Variants in PCOLCE observed in about 807,000 individuals in gnomAD.
PCOLCE encodes the protein procollagen C-endopeptidase enhancer 1.
PCOLCE carries 33 observed loss-of-function variants against 47.2 expected under a neutral mutation model. That is an observed-to-expected ratio of 0.70 (90% confidence interval 0.53 to 0.93). The LOEUF (loss-of-function observed/expected upper bound fraction) is 0.93. PCOLCE is among the 40% of genes least tolerant of loss of function. PCOLCE has a pLI of 0.00. For synonymous variants in PCOLCE, 254 were observed against 252.5 expected, an observed-to-expected ratio of 1.01 and a Z score of -0.06; for missense variants, 584 against 585.3, an observed-to-expected ratio of 1.00 and a Z score of 0.02.
chr7:100,602,538 C>T lies in PCOLCE; in HGVS notation c.82C>T (p.Pro28Ser), dbSNP rs780672283. The T allele has an allele frequency of 2.5e-6, 4 of 1,604,170 alleles. No individual in the cohort carries two copies. In the South Asian group the frequency reaches 3.3e-5, roughly 13 times the overall value. The change falls in exon 1 of 9, where the codon CCC becomes TCC. Residue 28 changes from proline to serine, a missense_variant. Coordinates refer to ENST00000223061, the MANE Select transcript of PCOLCE (RefSeq NM_002593.4). ...ALLPFAQGQT[P>S]NYTRPVFLCG... ...GCTGCCTTTTGCCCAGGGCCAGACC[C>T]CCAACTACACCAGGTAGGTCTCTTG...
intron 2 of PCOLCE, 133 bp from the exon 3 acceptor site, chr7:100,603,826 C>A: frequency 9.9e-7 from 1 of 1,012,856 alleles, no homozygotes; most frequent in Non-Finnish European, 1.5e-6. Flanking sequence ...AGGCCCTCTG[C>A]TCTGCACTCA....
At position 100,608,054 on chromosome 7, in the gene PCOLCE, A is replaced by G. The variant is rs774044086; in HGVS notation, c.1301A>G (p.Lys434Arg). The G allele has an allele frequency of 6.2e-7, 1 of 1,613,972 alleles. No individual in the cohort carries two copies. The highest frequency in any genetic ancestry group is 8.5e-7 in the Non-Finnish European group (1 of 1,180,014). Reference sequence around the variant, plus strand: ...GACCAGATCCTCACCAACCTAAGCAAGAGGAAGTGCCCCTCTCAACCTGTG... The same window carrying G: ...GACCAGATCCTCACCAACCTAAGCAGGAGGAAGTGCCCCTCTCAACCTGTG... ...NQDQILTNLS[K>R]RKCPSQPVRA... Residue 434 changes from lysine (K) to arginine (R), a missense_variant, in exon 9 of 9, where the codon AAG becomes AGG. Physicochemically the swap from Lys to Arg is conservative, Grantham distance 26. Coordinates refer to ENST00000223061, the MANE Select transcript of PCOLCE (RefSeq NM_002593.4).
chr7:100,603,371 C>A (rs554782186), intron 1 of PCOLCE, 59 bp from the exon 2 acceptor site: 2 of 837,440 alleles, frequency 2.4e-6, no homozygotes, highest in African/African-American at 1.7e-5. Flanking sequence ...CCCCATCTTG[C>A]CAGTGCTCCC....
In PCOLCE at chr7:100,603,945, G is replaced by A. The variant is rs201847954; in HGVS notation, c.205-14G>A. 6 of 1,598,942 alleles carry A rather than the reference G, an allele frequency of 3.8e-6. No homozygotes were observed. In the East Asian group the frequency reaches 6.7e-5, roughly 18 times the overall value. On this transcript the variant is annotated splice_polypyrimidine_tract_variant and intron_variant, in intron 2 of 8. Transcript: ENST00000223061. ...CCTGACTCTGTGGGTCCCCGCCTCT[G>A]TCCCCGCTATCAGGTCCCCGAGGGC... is the stretch of plus-strand genomic sequence containing the variant.
In PCOLCE at chr7:100,605,870, C is replaced by T. The variant is rs1015176268; in HGVS notation, c.725+58C>T. On this transcript the variant is annotated intron_variant, in intron 5 of 8. Transcript: ENST00000223061. This position sits in a 1 kb window ranked among gnomAD's most constrained non-coding sequence, Gnocchi z 6.1. ...GAGTCGGCGGACCGCACGCACGCGG[C>T]TGTTTGGAGGGGCGGGGTTCAGCTA... 1.3e-6 allele frequency: 2 copies of T among 1,522,384 alleles called. No homozygotes were observed. The highest frequency in any genetic ancestry group is 8.9e-7 in the Non-Finnish European group (1 of 1,126,024). The allele number at this position is 1,522,384 out of a possible 1,614,324, so 94.3% of individuals were successfully genotyped here.
rs1252059290 is a variant in PCOLCE at position 100,605,815 on chromosome 7, G to A, written c.725+3G>A. 3 of 1,551,578 alleles carry A rather than the reference G, an allele frequency of 1.9e-6. No homozygotes were observed. The highest frequency in any genetic ancestry group is 2.4e-5 in the East Asian group (1 of 41,044). Reference sequence around the variant, plus strand: ...TTCTGCGGCGACGCAGTCCCGGGGTGAGGGGCGGGACCTGGGCGAGTCCGG... The same window carrying A: ...TTCTGCGGCGACGCAGTCCCGGGGTAAGGGGCGGGACCTGGGCGAGTCCGG... On this transcript the variant is annotated splice_donor_region_variant and intron_variant, in intron 5 of 8. Transcript: ENST00000223061. This position sits in a 1 kb window ranked among gnomAD's most constrained non-coding sequence, Gnocchi z 6.1.
chr7:100,603,958 G>T lies in PCOLCE; in HGVS notation c.205-1G>T. On this transcript the variant is annotated splice_acceptor_variant, in intron 2 of 8. Transcript: ENST00000223061. LOFTEE classifies it high-confidence loss of function. ...GTCCCCGCCTCTGTCCCCGCTATCA[G>T]GTCCCCGAGGGCCAGACTGTGTCCC... 1 of 1,600,402 alleles carries T rather than the reference G, an allele frequency of 6.2e-7. No homozygotes were observed.
At chr7:100,603,869 G>A (rs1224135188) in intron 2 of PCOLCE, 90 bp from the exon 3 acceptor site, 48 of 1,473,464 alleles carry the variant, frequency 3.3e-5, no homozygotes, top group Non-Finnish European at 4.4e-5. Context: ...GTCCGTTTCT[G>A]CAAGAAACGC....
chr7:100,603,296 C>G (rs1802645314), intron 1 of PCOLCE, 134 bp from the exon 2 acceptor site: 1 of 549,812 alleles, frequency 1.8e-6, no homozygotes, highest in Non-Finnish European at 3.3e-6. Context: ...TGCCCCAGGT[C>G]TCTCAAGGCC....
In PCOLCE at chr7:100,602,386, C is replaced by G. The variant is rs886146063; in HGVS notation, c.-71C>G. Reference sequence around the variant, plus strand: ...CTGATTATCCTGCTGCTGCCGCCACCGCTGCTGCTGCTCTGCAAAATTCAG... The same window carrying G: ...CTGATTATCCTGCTGCTGCCGCCACGGCTGCTGCTGCTCTGCAAAATTCAG... On this transcript the variant is annotated 5_prime_UTR_variant, in exon 1 of 9. Transcript: ENST00000223061. 1.3e-4 allele frequency: 136 copies of G among 1,014,522 alleles called. No homozygotes were observed. Among genetic ancestry groups the G allele is most frequent in the Non-Finnish European group, 1.9e-4 (124 of 641,916 alleles). 62.8% of individuals were successfully genotyped at this position (1,014,522 alleles called of 1,614,324 possible).
chr7:100,602,532 C>G lies in PCOLCE; in HGVS notation c.76C>G (p.Gln26Glu). ...ACALLPFAQG[Q>E]TPNYTRPVFL... ...CGCCCTGCTGCCTTTTGCCCAGGGC[C>G]AGACCCCCAACTACACCAGGTAGGT... The change falls in exon 1 of 9, where the codon CAG becomes GAG. Residue 26 changes from glutamine to glutamate, a missense_variant. Gln to Glu is a conservative substitution (Grantham distance 29, BLOSUM62 2). Coordinates refer to ENST00000223061, the MANE Select transcript of PCOLCE (RefSeq NM_002593.4). 6.2e-7 allele frequency: 1 copy of G among 1,609,496 alleles called. No homozygotes were observed. Among genetic ancestry groups the G allele is most frequent in the Admixed American group, 1.7e-5 (1 of 60,006 alleles).
chr7:100,607,774 G>A lies in PCOLCE; in HGVS notation c.1150G>A (p.Val384Met), dbSNP rs772035987. 4.3e-6 allele frequency: 7 copies of A among 1,614,142 alleles called. No individual in the cohort carries two copies. Among genetic ancestry groups the A allele is most frequent in the East Asian group, 2.2e-5 (1 of 44,884 alleles). ...PPTGASLKFY[V>M]PCKQCPPMKK... ...CACTGGTGCCTCCCTGAAGTTTTAC[G>A]TGCCTTGCAAGCAGTGCCCCCCCAT... The change falls in exon 8 of 9, where the codon GTG becomes ATG. Residue 384 changes from valine to methionine, a missense_variant. Val to Met is a conservative substitution (Grantham distance 21). Coordinates refer to ENST00000223061, the MANE Select transcript of PCOLCE (RefSeq NM_002593.4).
Position 100,608,043 on chromosome 7 carries a change from C to A in PCOLCE, c.1290C>A (p.Thr430=). The change falls in exon 9 of 9, where the codon ACC becomes ACA. Residue 430 remains threonine, a synonymous_variant. Coordinates refer to ENST00000223061, the MANE Select transcript of PCOLCE (RefSeq NM_002593.4). ...LHRPNQDQIL[T]NLSKRKCPSQ... is the part of the protein sequence containing the mutation. Reference sequence around the variant, plus strand: ...GGCCCAACCAGGACCAGATCCTCACCAACCTAAGCAAGAGGAAGTGCCCCT... The same window carrying A: ...GGCCCAACCAGGACCAGATCCTCACAAACCTAAGCAAGAGGAAGTGCCCCT... 6.2e-7 allele frequency: 1 copy of A among 1,614,092 alleles called. No individual in the cohort carries two copies.
At position 100,605,360 on chromosome 7, in the gene PCOLCE, T is replaced by C; in HGVS notation, c.588+145T>C. The stretch of plus-strand genomic sequence containing the variant: ...ACCCAAAACAGCCCCAACCCCTGCA[T>C]GCACGCAAACAAAAATGTAAAAATT... On this transcript the variant is annotated intron_variant, in intron 4 of 8. Transcript: ENST00000223061. The surrounding 1 kb of genome is among the most constrained non-coding windows in gnomAD (Gnocchi z 6.1). 1 of 793,288 alleles carries C rather than the reference T, an allele frequency of 1.3e-6. No homozygotes were observed. The highest frequency in any genetic ancestry group is 2.0e-6 in the Non-Finnish European group (1 of 504,434). The allele number at this position is 793,288 out of a possible 1,614,324, so 49.1% of individuals were successfully genotyped here.
rs768854184 is a variant in PCOLCE, at chr7:100,608,019, G to A, written c.1266G>A (p.Arg422=). ...LPPESFVVLH[R]PNQDQILTNL... is the part of the protein sequence containing the mutation. Reference sequence around the variant, plus strand: ...CAGAGAGCTTTGTGGTTCTCCACCGGCCCAACCAGGACCAGATCCTCACCA... The same window carrying A: ...CAGAGAGCTTTGTGGTTCTCCACCGACCCAACCAGGACCAGATCCTCACCA... Residue 422 remains arginine, a synonymous_variant, in exon 9 of 9, where the codon CGG becomes CGA. Coordinates refer to ENST00000223061, the MANE Select transcript of PCOLCE (RefSeq NM_002593.4). The A allele has an allele frequency of 6.2e-6, 10 of 1,614,106 alleles. No individual in the cohort carries two copies. Among genetic ancestry groups the A allele is most frequent in the Non-Finnish European group, 8.5e-6 (10 of 1,180,000 alleles).
rs144063020 is a variant in PCOLCE, at chr7:100,604,139, C to G, written c.385C>G (p.Leu129Val). ...PLVAPGNQVTLRMTTDEGTGG... is the reference protein window; with the variant it reads ...PLVAPGNQVTVRMTTDEGTGG... ...AGTCGCCCCCGGCAACCAGGTGACC[C>G]TGAGGATGACGACGGATGAGGGCAC... The change falls in exon 3 of 9, where the codon CTG (leucine) becomes GTG (valine). Residue 129 changes from leucine to valine, a missense_variant. Transcript: ENST00000223061. This position sits in a 1 kb window ranked among gnomAD's most constrained non-coding sequence, Gnocchi z 6.4. 1 of 1,613,182 alleles carries G rather than the reference C, an allele frequency of 6.2e-7. No homozygotes were observed. Among genetic ancestry groups the G allele is most frequent in the Non-Finnish European group, 8.5e-7 (1 of 1,179,982 alleles).
intron 1 of PCOLCE, chr7:100,602,901 G>C: frequency 2.8e-6 from 1 of 357,428 alleles, no homozygotes; most frequent in Non-Finnish European, 5.1e-6. Context: ...GGGGAGGAGG[G>C]GGCAGTGAGT....
At chr7:100,603,329 C>T (rs1802645728) in intron 1 of PCOLCE, 101 bp from the exon 2 acceptor site, 2 of 643,272 alleles carry the variant, frequency 3.1e-6, no homozygotes, top group African/African-American at 3.8e-5. Flanking sequence ...CCCCCAGCTT[C>T]CCTCCTTGGA....
chr7:100,602,547 A>T lies in PCOLCE; in HGVS notation c.91A>T (p.Thr31Ser). The part of the protein sequence containing the change: ...PFAQGQTPNY[T>S]RPVFLCGGDV... ...TGCCCAGGGCCAGACCCCCAACTAC[A>T]CCAGGTAGGTCTCTTGGCATCTTCC... is the stretch of plus-strand genomic sequence containing the variant. Residue 31 changes from threonine (T) to serine (S), a missense_variant, in exon 1 of 9, where the codon ACC becomes TCC. Thr to Ser is a moderately conservative substitution (Grantham distance 58). Coordinates refer to ENST00000223061, the MANE Select transcript of PCOLCE (RefSeq NM_002593.4). The T allele has an allele frequency of 6.3e-7, 1 of 1,587,736 alleles. No individual in the cohort carries two copies.
Sources: allele counts gnomAD v4.1 joint callset, GRCh38; gene constraint gnomAD v4.1.1; non-coding constraint Gnocchi (gnomAD v3.1); transcripts MANE v1.5; gene names NCBI Gene and HGNC (gene_info 2026-07-23, HGNC 2026-07-21).